Variants in SPIC observed in about 807,000 individuals in gnomAD.
SPIC encodes transcription factor Spi-C.
Under a neutral mutation model 16.7 loss-of-function variants are expected in SPIC, and 9 were observed. The observed-to-expected ratio is 0.54, with a 90% CI of 0.33 to 0.94. SPIC has a LOEUF of 0.94. Ranked by LOEUF, SPIC falls within the 40% of genes least tolerant of loss-of-function variation. The probability of loss-of-function intolerance (pLI) is 0.03; values close to 1 mark genes in which losing one functional copy is unlikely to be tolerated. For synonymous variants in SPIC, 97 were observed against 102.9 expected (o/e 0.94, Z 0.35); for missense variants, 241 against 285.8 (o/e 0.84, Z 1.13).
In SPIC at chr12:101,486,895, T is replaced by C. The variant is rs190543429; in HGVS notation, c.*124T>C. 1 of 755,646 alleles carries C rather than the reference T, an allele frequency of 1.3e-6. No individual in the cohort carries two copies. The highest frequency in any genetic ancestry group is 2.6e-5 in the South Asian group (1 of 38,120). 46.8% of individuals were successfully genotyped at this position (755,646 alleles called of 1,614,324 possible). A position where few individuals can be genotyped will look rare whatever the true frequency, so the allele number is the denominator to read the frequency against. On this transcript the variant is annotated 3_prime_UTR_variant, in exon 6 of 6. Coordinates refer to ENST00000551346, the MANE Select transcript of SPIC (RefSeq NM_152323.3). ...AGGATTTTTCTCTTAAAGCAAATAC[T>C]AAAGAGGAAAAAAAATTAACTTTAT...
chr12:101,479,242 A>AAGAAAGAAGGAAAGAAAGAAAGAAAAAG (rs1555208989), intron 3 of SPIC, among the ~76,000 whole-genome samples: 2 of 45,022 alleles, frequency 4.4e-5, no homozygotes, highest in Non-Finnish European at 5.5e-5. Flanking sequence ...GAAAGAAAGA[A>AAGAAAGAAGGAAAGAAAGAAAGAAAAAG]AAAGAAAGAA....
Position 101,486,450 on chromosome 12 carries a change from T to A in SPIC, c.426T>A (p.Phe142Leu). The A allele has an allele frequency of 6.2e-7, 1 of 1,614,156 alleles. No individual in the cohort carries two copies. The highest frequency in any genetic ancestry group is 8.5e-7 in the Non-Finnish European group (1 of 1,180,048). Residue 142 changes from phenylalanine (F) to leucine (L), a missense_variant, in exon 6 of 6, where the codon TTT becomes TTA. Coordinates refer to ENST00000551346, the MANE Select transcript of SPIC (RefSeq NM_152323.3). ...WVDKTKGIFQ[F>L]VSKNKEKLAE... ...ATAAAACCAAAGGCATCTTTCAGTT[T>A]GTATCAAAAAACAAAGAAAAACTTG... is the stretch of plus-strand genomic sequence containing the variant.
intron 4 of SPIC, among the ~76,000 whole-genome samples, chr12:101,480,563 A>G (rs984721874): frequency 1.4e-4 from 21 of 152,196 alleles, no homozygotes; most frequent in African/African-American, 3.9e-4. Context: ...TCTTCATGGG[A>G]TGAGGTATAA....
intron 3 of SPIC, among the ~76,000 whole-genome samples, chr12:101,479,355 G>GAAAGAAAT (rs1243477392): frequency 7.3e-5 from 11 of 150,974 alleles, no homozygotes; most frequent in East Asian, 1.9e-4. Context: ...AAGAAAGAAA[G>GAAAGAAAT]AAATCATGCG....
At chr12:101,484,729 G>T (rs113913702) in intron 5 of SPIC, among the ~76,000 whole-genome samples, 1 of 151,428 alleles carries the variant, frequency 6.6e-6, no homozygotes. Flanking sequence ...CCAGCACTTC[G>T]GGAGACTGAG....
At chr12:101,484,571 AATAG>A (rs144586107) in intron 5 of SPIC, among the ~76,000 whole-genome samples, 8,184 of 151,212 alleles carry the variant, frequency 0.054, 253 homozygotes, top group African/African-American at 0.092. Context: ...AAAGAAAATA[AATAG>A]ATAGATAAAT....
At chr12:101,481,702 C>A (rs1397179408) in intron 4 of SPIC, among the ~76,000 whole-genome samples, 2 of 151,290 alleles carry the variant, frequency 1.3e-5, no homozygotes, top group Non-Finnish European at 3.0e-5. Flanking sequence ...TTAGTAGAGA[C>A]AGGGTTTTAC....
intron 5 of SPIC, among the ~76,000 whole-genome samples, chr12:101,486,036 A>G (rs1873354399): frequency 6.6e-6 from 1 of 152,162 alleles, no homozygotes. Flanking sequence ...CCTGACCTCA[A>G]GTGATCCGCC....
At chr12:101,479,269 A>G (rs369366765) in intron 3 of SPIC, among the ~76,000 whole-genome samples, 2,263 of 101,434 alleles carry the variant, frequency 0.022, 179 homozygotes, top group African/African-American at 0.053. Context: ...AAGGAAAGAA[A>G]GAAAGAAAGA....
intron 1 of SPIC, among the ~76,000 whole-genome samples, chr12:101,476,411 A>G (rs908733515): frequency 5.3e-5 from 8 of 152,198 alleles, no homozygotes; most frequent in African/African-American, 1.4e-4. Context: ...GGCTTTTGCC[A>G]GATTCTCAGA....
At chr12:101,476,080 C>T (rs1872949246) in intron 1 of SPIC, among the ~76,000 whole-genome samples, 1 of 152,062 alleles carries the variant, frequency 6.6e-6, no homozygotes, top group South Asian at 2.1e-4. Flanking sequence ...TAAATACTTG[C>T]ATAAAAAGAA....
intron 5 of SPIC, among the ~76,000 whole-genome samples, chr12:101,484,822 TGC>T (rs1873318165): frequency 6.8e-6 from 1 of 147,862 alleles, no homozygotes; most frequent in Non-Finnish European, 1.5e-5. Context: ...GAGCCAAGAT[TGC>T]GCCACTACAC....
chr12:101,477,515 T>C (rs770121647), intron 2 of SPIC, 43 bp from the exon 3 acceptor site: 8 of 1,546,854 alleles, frequency 5.2e-6, no homozygotes, highest in African/African-American at 1.4e-5. Context: ...TTAAGTTTAA[T>C]TGGTAATTCG....
At chr12:101,485,871 C>T (rs1249647921) in intron 5 of SPIC, among the ~76,000 whole-genome samples, 1 of 152,206 alleles carries the variant, frequency 6.6e-6, no homozygotes, top group Non-Finnish European at 1.5e-5. Flanking sequence ...GCAGCCTCCA[C>T]CTCAAATGAT....
intron 5 of SPIC, among the ~76,000 whole-genome samples, chr12:101,483,234 T>G (rs1265577049): frequency 6.6e-6 from 1 of 151,840 alleles, no homozygotes; most frequent in Non-Finnish European, 1.5e-5. Context: ...TTATTTTTAT[T>G]TTTTACTTTT....
At position 101,477,645 on chromosome 12, in the gene SPIC, T is replaced by G; in HGVS notation, c.91T>G (p.Ser31Ala). Residue 31 changes from serine (S) to alanine (A), a missense_variant, in exon 3 of 6, where the codon TCG (serine) becomes GCG (alanine). Physicochemically the swap from Ser to Ala is moderately conservative, Grantham distance 99 (BLOSUM62 1). Transcript: ENST00000551346. ...ACATTCAACTGGAGATCTTCAGTAC[T>G]CGCCAGGTAAAGATGAGTCATTTAC... ...RQHSTGDLQYSPDYRNYLALI... is the reference protein window; with the variant it reads ...RQHSTGDLQYAPDYRNYLALI... 1 of 1,612,370 alleles carries G rather than the reference T, an allele frequency of 6.2e-7. No individual in the cohort carries two copies. Among genetic ancestry groups the G allele is most frequent in the Non-Finnish European group, 8.5e-7 (1 of 1,179,522 alleles).
chr12:101,482,023 G>T (rs1443556792), intron 4 of SPIC, among the ~76,000 whole-genome samples: 1 of 142,276 alleles, frequency 7.0e-6, no homozygotes, highest in Non-Finnish European at 1.5e-5. Flanking sequence ...CAGGTGGATC[G>T]CCTGAGGTCG....
chr12:101,478,671 T>C (rs1369803248), intron 3 of SPIC, among the ~76,000 whole-genome samples: 1 of 152,222 alleles, frequency 6.6e-6, no homozygotes, highest in Non-Finnish European at 1.5e-5. Flanking sequence ...TTTAAATTGT[T>C]CCAATGAATC....
intron 4 of SPIC, 24 bp from the exon 5 acceptor site, chr12:101,482,768 C>A: frequency 6.3e-7 from 1 of 1,588,976 alleles, no homozygotes; most frequent in Non-Finnish European, 8.6e-7. Flanking sequence ...TCTCACTTAA[C>A]ATCCTGCTTC....
Sources: gnomAD v4.1 joint callset for allele counts (sites outside exome capture counted in the v4.1 genomes callset) on GRCh38, gnomAD v4.1.1 for gene constraint, MANE v1.5 for transcripts, NCBI Gene and HGNC (gene_info 2026-07-23, HGNC 2026-07-21) for gene names.